SCHIP1: variants seen among roughly 807,000 people sequenced by gnomAD.
The protein encoded by SCHIP1 is schwannomin interacting protein 1, also known as schwannomin-interacting protein 1.
Under a neutral mutation model 29.7 loss-of-function variants are expected in SCHIP1, and 8 were observed. That is an observed-to-expected ratio of 0.27 (90% CI 0.16 to 0.49). SCHIP1 has a LOEUF of 0.49. Among genes scored for constraint, SCHIP1 ranks in the 20% least tolerant of loss-of-function variants. The probability of loss-of-function intolerance (pLI) is 0.99; values close to 1 mark genes in which losing one functional copy is unlikely to be tolerated. For missense variants in SCHIP1, 193 were observed against 294.6 expected, an observed-to-expected ratio of 0.66 and a Z score of 2.52; for synonymous variants, 76 against 94.9, an observed-to-expected ratio of 0.80 and a Z score of 1.16.
In SCHIP1 at chr3:159,851,464, C is replaced by G. The variant is rs554382836; in HGVS notation, c.30+11250C>G. ...TGTAAAACACAATTGATAGTAATAT[C>G]TACTCCAAAAGATTATTGAGAGGAT... On this transcript the variant is annotated intron_variant, in intron 1 of 6. Coordinates refer to ENST00000445224, the Ensembl canonical transcript of SCHIP1. Among the ~76,000 whole-genome samples, 17 of 152,286 alleles carry G rather than the reference C, an allele frequency of 1.1e-4. No individual in the cohort carries two copies. In the South Asian group the frequency reaches 2.7e-3, roughly 24 times the overall value.
chr3:159,292,266 A>G, the SCHIP1 span, among the ~76,000 whole-genome samples: 1 of 152,114 alleles, frequency 6.6e-6, no homozygotes, highest in Non-Finnish European at 1.5e-5. Flanking sequence ...AAAGTATAAG[A>G]AAATCTTAAT....
At chr3:159,566,618 A>T in the SCHIP1 span, among the ~76,000 whole-genome samples, 2 of 152,216 alleles carry the variant, frequency 1.3e-5, no homozygotes, top group Admixed American at 6.5e-5. Context: ...AGGAATAAGA[A>T]GATGTCTAGG....
At chr3:159,857,760 C>CT (rs990418793) in intron 1 of SCHIP1, among the ~76,000 whole-genome samples, 5 of 152,150 alleles carry the variant, frequency 3.3e-5, no homozygotes, top group African/African-American at 1.2e-4. Flanking sequence ...TTATAAATTT[C>CT]TGTCTGTGCC....
At chr3:159,687,895 C>A in the SCHIP1 span, among the ~76,000 whole-genome samples, 2 of 152,172 alleles carry the variant, frequency 1.3e-5, no homozygotes, top group African/African-American at 4.8e-5. Flanking sequence ...ATGACGGTTT[C>A]CAGCTTCATC....
the SCHIP1 span, among the ~76,000 whole-genome samples, chr3:159,385,386 A>C: frequency 2.6e-5 from 4 of 152,100 alleles, no homozygotes; most frequent in Non-Finnish European, 5.9e-5. Flanking sequence ...GGCAAAATCC[A>C]GTCTCTACTA....
the SCHIP1 span, among the ~76,000 whole-genome samples, chr3:159,469,460 A>T: frequency 9.2e-5 from 14 of 152,196 alleles, no homozygotes; most frequent in Non-Finnish European, 1.9e-4. Context: ...GGAGTACAAT[A>T]ATACTCTCCT....
chr3:159,379,498 C>T, the SCHIP1 span, among the ~76,000 whole-genome samples: 1 of 152,212 alleles, frequency 6.6e-6, no homozygotes, highest in Non-Finnish European at 1.5e-5. Context: ...GCTGGGATAA[C>T]AGGCGTGAGC....
chr3:159,560,546 T>TA, the SCHIP1 span, among the ~76,000 whole-genome samples: 1 of 152,184 alleles, frequency 6.6e-6, no homozygotes, highest in Non-Finnish European at 1.5e-5. Context: ...CCCACTGAGT[T>TA]AAGTTTCTTT....
chr3:159,531,549 T>C, the SCHIP1 span, among the ~76,000 whole-genome samples: 1 of 152,194 alleles, frequency 6.6e-6, no homozygotes, highest in African/African-American at 2.4e-5. Flanking sequence ...GAATACAAGA[T>C]ACCGTACCTA....
At chr3:159,402,260 T>C in the SCHIP1 span, among the ~76,000 whole-genome samples, 1 of 152,088 alleles carries the variant, frequency 6.6e-6, no homozygotes, top group Non-Finnish European at 1.5e-5. Flanking sequence ...AGAATGGCGA[T>C]CGTTAAAAAG....
chr3:159,538,232 CAAAT>C, the SCHIP1 span, among the ~76,000 whole-genome samples: 2 of 142,104 alleles, frequency 1.4e-5, no homozygotes, highest in African/African-American at 5.4e-5. Flanking sequence ...GATACAGCCA[CAAAT>C]AACTCAAGTA....
At chr3:159,704,109 A>C in the SCHIP1 span, among the ~76,000 whole-genome samples, 2 of 152,152 alleles carry the variant, frequency 1.3e-5, no homozygotes, top group Non-Finnish European at 2.9e-5. Context: ...CTCAGAAAAC[A>C]TGTTGAATGA....
At chr3:159,481,353 C>T in the SCHIP1 span, among the ~76,000 whole-genome samples, 1 of 152,158 alleles carries the variant, frequency 6.6e-6, no homozygotes, top group African/African-American at 2.4e-5. Context: ...ATACAGTCTA[C>T]AGCTCTGAAG....
chr3:159,590,610 C>T, the SCHIP1 span, among the ~76,000 whole-genome samples: 1 of 151,900 alleles, frequency 6.6e-6, no homozygotes. Context: ...AGTCCTGGTC[C>T]TTACCTGCAC....
intron 2 of SCHIP1, among the ~76,000 whole-genome samples, chr3:159,869,689 C>CT (rs1715034903): frequency 6.6e-6 from 1 of 151,764 alleles, no homozygotes; most frequent in Non-Finnish European, 1.5e-5. Flanking sequence ...CCTGTTACGG[C>CT]TTTTTTTATT....
At chr3:159,699,793 AAT>A in the SCHIP1 span, among the ~76,000 whole-genome samples, 7 of 152,188 alleles carry the variant, frequency 4.6e-5, no homozygotes, top group African/African-American at 1.7e-4. Context: ...ATAGAGTGAG[AAT>A]ATCTTTAAGA....
chr3:159,293,338 A>G, the SCHIP1 span, among the ~76,000 whole-genome samples: 3 of 152,260 alleles, frequency 2.0e-5, no homozygotes, highest in Admixed American at 6.5e-5. Context: ...GAAAACATCT[A>G]TTTTCAAAAA....
At chr3:159,855,561 C>T (rs1188963691) in intron 1 of SCHIP1, among the ~76,000 whole-genome samples, 3 of 152,080 alleles carry the variant, frequency 2.0e-5, no homozygotes, top group South Asian at 2.1e-4. Context: ...TCAGAAATAG[C>T]ACCCACCACT....
At chr3:159,544,987 A>G in the SCHIP1 span, among the ~76,000 whole-genome samples, 33 of 152,164 alleles carry the variant, frequency 2.2e-4, no homozygotes, top group African/African-American at 7.0e-4. Context: ...ACATTTAAAC[A>G]AGTAATCCAC....
Sources: allele counts gnomAD v4.1 joint callset (sites outside exome capture counted in the v4.1 genomes callset), GRCh38; gene constraint gnomAD v4.1.1; transcripts MANE v1.5; gene names NCBI Gene and HGNC (gene_info 2026-07-23, HGNC 2026-07-21).